SCUBE3: variants seen among roughly 807,000 people sequenced by gnomAD.
SCUBE3 encodes the protein signal peptide, CUB domain and EGF like domain containing 3.
A neutral mutation model predicts 116.8 loss-of-function variants in SCUBE3; 33 were observed. The observed-to-expected ratio is 0.28, with a 90% confidence interval of 0.21 to 0.38. The LOEUF (loss-of-function observed/expected upper bound fraction) is 0.38, where lower values mean the gene tolerates loss of function less well. SCUBE3 is among the 10% of genes least tolerant of loss of function. The pLI is 1.00. For synonymous variants in SCUBE3, 418 were observed against 496.9 expected (o/e 0.84, Z 2.11); for missense variants, 1,007 against 1,324.8 (o/e 0.76, Z 3.72).
At position 35,244,912 on chromosome 6, in the gene SCUBE3, G is replaced by A. The variant is rs188398764; in HGVS notation, c.2401+101G>A. On this transcript the variant is annotated intron_variant, in intron 18 of 21. Coordinates refer to ENST00000274938, the MANE Select transcript of SCUBE3 (RefSeq NM_152753.4). This position sits in a 1 kb window ranked among gnomAD's most constrained non-coding sequence, Gnocchi z 4.3. Reference sequence around the variant, plus strand: ...AACCAACAGGGAGCAGGGCTGGGGGGTGGAGGAGCAGGAAAACTCCACCTT... The same window carrying A: ...AACCAACAGGGAGCAGGGCTGGGGGATGGAGGAGCAGGAAAACTCCACCTT... 139 of 1,217,250 alleles carry A rather than the reference G, an allele frequency of 1.1e-4. No individual in the cohort carries two copies. The African/African-American group carries it at 1.7e-3, about 15-fold the overall frequency. The allele number at this position is 1,217,250 out of a possible 1,614,324, so 75.4% of individuals were successfully genotyped here. A position where few individuals can be genotyped will look rare whatever the true frequency, so the allele number is the denominator to read the frequency against.
rs1381993579 is a variant in SCUBE3 at position 35,244,680 on chromosome 6, C to T, written c.2270C>T (p.Thr757Ile). The change falls in exon 18 of 22, where the codon ACC (threonine) becomes ATC (isoleucine). Residue 757 changes from threonine to isoleucine, a missense_variant. Physicochemically the swap from Thr to Ile is moderately conservative, Grantham distance 89. Coordinates refer to ENST00000274938, the MANE Select transcript of SCUBE3 (RefSeq NM_152753.4). The surrounding 1 kb of genome is among the most constrained non-coding windows in gnomAD (Gnocchi z 4.3). Reference protein sequence around the residue: ...VQCSPGHYYNTSIHRCIRCAM... With the variant: ...VQCSPGHYYNISIHRCIRCAM... ...TGCTCCCCAGGGCACTACTACAACA[C>T]CAGCATCCACCGCTGTATTCGCTGT... The T allele has an allele frequency of 3.1e-6, 5 of 1,614,164 alleles. No homozygotes were observed. The highest frequency in any genetic ancestry group is 3.4e-6 in the Non-Finnish European group (4 of 1,180,002).
Position 35,250,338 on chromosome 6 carries a change from T to C in SCUBE3, c.*1633T>C, listed in dbSNP as rs1784506262. 1 of 152,268 alleles carries C rather than the reference T, an allele frequency of 6.6e-6. No homozygotes were observed. Among genetic ancestry groups the C allele is most frequent in the African/African-American group, 2.4e-5 (1 of 41,444 alleles). The allele number at this position is 152,268 out of a possible 1,614,324, so 9.4% of individuals were successfully genotyped here. On this transcript the variant is annotated 3_prime_UTR_variant, in exon 22 of 22. Coordinates refer to ENST00000274938, the MANE Select transcript of SCUBE3 (RefSeq NM_152753.4). ...CTCCATCTTTTCCCTGTCTTCATCC[T>C]GTTATCCCCTGGTGTACACATGGAA...
chr6:35,227,110 A>C (rs1263362796), intron 1 of SCUBE3, among the ~76,000 whole-genome samples: 2 of 152,038 alleles, frequency 1.3e-5, no homozygotes, highest in Non-Finnish European at 2.9e-5. Context: ...ACAGATGAAG[A>C]TCCCTCAGAT....
chr6:35,218,234 G>T (rs760265860), intron 1 of SCUBE3: 2 of 612,558 alleles, frequency 3.3e-6, no homozygotes, highest in South Asian at 1.4e-4. Flanking sequence ...ATTCACACAC[G>T]TGTGAATGTG....
intron 1 of SCUBE3, chr6:35,221,642 A>G: frequency 8.5e-6 from 1 of 117,460 alleles, no homozygotes; most frequent in Non-Finnish European, 2.0e-5. Flanking sequence ...GAGGTGCTCA[A>G]TAACTATTGA....
chr6:35,214,571 T>G lies in SCUBE3; in HGVS notation c.85+68T>G. On this transcript the variant is annotated intron_variant, in intron 1 of 21. Transcript: ENST00000274938. The surrounding 1 kb of genome is among the most constrained non-coding windows in gnomAD (Gnocchi z 6.3). The stretch of plus-strand genomic sequence containing the variant: ...CTGGGCCTCAGGGCCTAGGAGCGAT[T>G]CCCGAGGGGCAGGGCAGGTGCTGGG... The G allele has an allele frequency of 2.9e-6, 3 of 1,027,490 alleles. No homozygotes were observed. Among genetic ancestry groups the G allele is most frequent in the Non-Finnish European group, 4.0e-6 (3 of 753,108 alleles). 63.6% of individuals were successfully genotyped at this position (1,027,490 alleles called of 1,614,324 possible). A position where few individuals can be genotyped will look rare whatever the true frequency, so the allele number is the denominator to read the frequency against.
At position 35,239,323 on chromosome 6, in the gene SCUBE3, C is replaced by T. The variant is rs1370757030; in HGVS notation, c.830-429C>T. ...CTCCACCTCTCCTTGCCCCGCACCC[C>T]CCCAACCCCCCGTCCTGAGGGACAG... On this transcript the variant is annotated intron_variant, in intron 7 of 21. Transcript: ENST00000274938. This position sits in a 1 kb window ranked among gnomAD's most constrained non-coding sequence, Gnocchi z 4.1. Among the ~76,000 whole-genome samples, 1 of 152,162 alleles carries T rather than the reference C, an allele frequency of 6.6e-6. No individual in the cohort carries two copies. The highest frequency in any genetic ancestry group is 1.9e-4 in the East Asian group (1 of 5,186).
chr6:35,246,359 G>GC (rs1223406859), intron 21 of SCUBE3, 74 bp downstream of exon 21: 31 of 1,064,990 alleles, frequency 2.9e-5, no homozygotes, highest in Non-Finnish European at 4.3e-5. Flanking sequence ...TAGGCTAAGT[G>GC]CTTACATGAA....
intron 13 of SCUBE3, 118 bp from the exon 14 acceptor site, chr6:35,242,504 C>A: frequency 9.5e-7 from 1 of 1,058,040 alleles, no homozygotes; most frequent in Non-Finnish European, 1.4e-6. Flanking sequence ...TAATTAGGAC[C>A]CTAGACTAAA....
chr6:35,223,838 A>G (rs1252787208), intron 1 of SCUBE3: 1 of 152,216 alleles, frequency 6.6e-6, no homozygotes, highest in Non-Finnish European at 1.5e-5. Context: ...GATACTGGGT[A>G]TAATTTGGGG....
rs560474847 is a variant in SCUBE3 at position 35,242,458 on chromosome 6, A to G, written c.1534+138A>G. The G allele has an allele frequency of 5.0e-4, 447 of 899,236 alleles. 3 individuals are homozygous for G. Among genetic ancestry groups the G allele is most frequent in the Middle Eastern group, 1.5e-3 (6 of 3,886 alleles). The allele number at this position is 899,236 out of a possible 1,614,324, so 55.7% of individuals were successfully genotyped here. Reference sequence around the variant, plus strand: ...AGGAAAAAGCAGCTGTAGGCATAGCACCCAAGGAAGTCCCAGAATATTCCC... The same window carrying G: ...AGGAAAAAGCAGCTGTAGGCATAGCGCCCAAGGAAGTCCCAGAATATTCCC... On this transcript the variant is annotated intron_variant, in intron 13 of 21. Transcript: ENST00000274938.
At chr6:35,242,346 T>TTG (rs775842377) in intron 13 of SCUBE3, 26 bp downstream of exon 13, 1 of 1,495,810 alleles carries the variant, frequency 6.7e-7, no homozygotes, top group South Asian at 1.1e-5. Flanking sequence ...CCCATTCCAG[T>TTG]TGGCTGTCTG....
chr6:35,231,306 A>G lies in SCUBE3; in HGVS notation c.335-419A>G, dbSNP rs913602297. ...ACCCAGAGCCACTTCCCAGGTTCCT[A>G]CATTCCCTGGCTGCTCATTGCAACC... On this transcript the variant is annotated intron_variant, in intron 3 of 21. Transcript: ENST00000274938. This position sits in a 1 kb window ranked among gnomAD's most constrained non-coding sequence, Gnocchi z 4.2. Among the ~76,000 whole-genome samples the G allele has an allele frequency of 8.5e-5, 13 of 152,116 alleles. No individual in the cohort carries two copies. Among genetic ancestry groups the G allele is most frequent in the African/African-American group, 2.9e-4 (12 of 41,406 alleles).
rs1294764302 is a variant in SCUBE3, at chr6:35,235,089, T to C, written c.712+1788T>C. Among the ~76,000 whole-genome samples, 2 of 152,210 alleles carry C rather than the reference T, an allele frequency of 1.3e-5. No homozygotes were observed. Among genetic ancestry groups the C allele is most frequent in the African/African-American group, 4.8e-5 (2 of 41,460 alleles). On this transcript the variant is annotated intron_variant, in intron 6 of 21. Transcript: ENST00000274938. The surrounding 1 kb of genome is among the most constrained non-coding windows in gnomAD (Gnocchi z 4.5). ...CGGTGGGAAGACTGAGAAGGCAGTA[T>C]AGTTTAGCAGAAAGGGCGGCACCCT...
Position 35,232,884 on chromosome 6 carries a change from T to C in SCUBE3, c.504T>C (p.Cys168=). 1 of 1,614,192 alleles carries C rather than the reference T, an allele frequency of 6.2e-7. No homozygotes were observed. The highest frequency in any genetic ancestry group is 1.3e-5 in the African/African-American group (1 of 75,060). ...GMNCMNKNHG[C]AHICRETPKG... is the part of the protein sequence containing the mutation. ...ATTGCATGAACAAGAACCACGGCTGTGCCCACATTTGCCGGGAGACACCCA... is the reference window on the plus strand; with the variant it reads ...ATTGCATGAACAAGAACCACGGCTGCGCCCACATTTGCCGGGAGACACCCA... The change falls in exon 5 of 22, where the codon TGT becomes TGC. Residue 168 remains cysteine (C), a synonymous_variant. Coordinates refer to ENST00000274938, the MANE Select transcript of SCUBE3 (RefSeq NM_152753.4). This position sits in a 1 kb window ranked among gnomAD's most constrained non-coding sequence, Gnocchi z 4.2.
In SCUBE3 at chr6:35,232,028, G is replaced by A. The variant is rs575105130; in HGVS notation, c.469+169G>A. Among the ~76,000 whole-genome samples, 2 of 152,178 alleles carry A rather than the reference G, an allele frequency of 1.3e-5. No individual in the cohort carries two copies. The highest frequency in any genetic ancestry group is 2.9e-5 in the Non-Finnish European group (2 of 68,028). ...TAAAGGATCTAGGAACAGACACCCTGTTAGGGCAAAATCTGGGGAAATTAC... is the reference window on the plus strand; with the variant it reads ...TAAAGGATCTAGGAACAGACACCCTATTAGGGCAAAATCTGGGGAAATTAC... On this transcript the variant is annotated intron_variant, in intron 4 of 21. Transcript: ENST00000274938. The surrounding 1 kb of genome is among the most constrained non-coding windows in gnomAD (Gnocchi z 4.2).
rs2150299053 is a variant in SCUBE3, at chr6:35,232,680, G to A, written c.470-170G>A. 6.6e-6 allele frequency among the ~76,000 whole-genome samples: 1 copy of A among 152,322 alleles called. No individual in the cohort carries two copies. Among genetic ancestry groups the A allele is most frequent in the East Asian group, 1.9e-4 (1 of 5,184 alleles). On this transcript the variant is annotated intron_variant, in intron 4 of 21. Transcript: ENST00000274938. The surrounding 1 kb of genome is among the most constrained non-coding windows in gnomAD (Gnocchi z 4.2). ...TCTGTGCTCTGCTCATGAGCACCCA[G>A]GTCTGTGGGGAAGACAGGAGGCCTG...
rs764779695 is a variant in SCUBE3, at chr6:35,226,480, CTT to C, written c.86-1079_86-1078del. Among the ~76,000 whole-genome samples the C allele has an allele frequency of 1.5e-3, 128 of 85,208 alleles. 1 individual carries two copies. Among genetic ancestry groups the C allele is most frequent in the African/African-American group, 5.2e-3 (108 of 20,712 alleles). 55.9% of individuals were successfully genotyped at this position (85,208 alleles called of 152,430 possible). A position where few individuals can be genotyped will look rare whatever the true frequency, so the allele number is the denominator to read the frequency against. On this transcript the variant is annotated intron_variant, in intron 1 of 21. Transcript: ENST00000274938. Reference sequence around the variant, plus strand: ...CAGAAGTTGGACTCTTTTCTATGTCCTTTTTTTTTTTTTTTTTTTTTTGAGAT... The same window carrying C: ...CAGAAGTTGGACTCTTTTCTATGTCCTTTTTTTTTTTTTTTTTTTTGAGAT...
chr6:35,239,121 C>T lies in SCUBE3; in HGVS notation c.830-631C>T, dbSNP rs552200727. 3.9e-5 allele frequency among the ~76,000 whole-genome samples: 6 copies of T among 152,158 alleles called. No homozygotes were observed. The East Asian group carries it at 1.2e-3, about 29-fold the overall frequency. On this transcript the variant is annotated intron_variant, in intron 7 of 21. Coordinates refer to ENST00000274938, the MANE Select transcript of SCUBE3 (RefSeq NM_152753.4). This position sits in a 1 kb window ranked among gnomAD's most constrained non-coding sequence, Gnocchi z 4.1. The stretch of plus-strand genomic sequence containing the variant: ...TTTCCCTTACTAGTGCTGAAAGCTG[C>T]CTCAGGCCTGAGTCTCTCCAGATCT...
Sources: allele counts gnomAD v4.1 joint callset (sites outside exome capture counted in the v4.1 genomes callset), GRCh38; gene constraint gnomAD v4.1.1; non-coding constraint Gnocchi (gnomAD v3.1); transcripts MANE v1.5; gene names NCBI Gene and HGNC (gene_info 2026-07-23, HGNC 2026-07-21).